SHISA9: variants seen among roughly 807,000 people sequenced by gnomAD.
SHISA9 encodes the protein protein shisa-9.
A neutral mutation model predicts 38.0 loss-of-function variants in SHISA9; 13 were observed. The ratio of observed to expected loss-of-function variants is 0.34; its 90% CI spans 0.22 to 0.54. The LOEUF is 0.54. Among genes scored for constraint, SHISA9 ranks in the 20% least tolerant of loss-of-function variants. The pLI is 0.91. For synonymous variants in SHISA9, 275 were observed against 242.0 expected (o/e 1.14, Z -1.27); for missense variants, 538 against 575.8 (o/e 0.93, Z 0.67).
chr16:13,325,216 C>A, the SHISA9 span, among the ~76,000 whole-genome samples: 1 of 152,158 alleles, frequency 6.6e-6, no homozygotes, highest in Non-Finnish European at 1.5e-5. Flanking sequence ...CAAAATATAT[C>A]AAATAAATAT....
intron 2 of SHISA9, among the ~76,000 whole-genome samples, chr16:13,039,756 A>G (rs951964112): frequency 1.3e-5 from 2 of 152,178 alleles, no homozygotes; most frequent in Non-Finnish European, 2.9e-5. Context: ...AAAGACTGCC[A>G]AGAGCAAAAG....
chr16:13,517,991 G>T, the SHISA9 span, among the ~76,000 whole-genome samples: 1 of 152,232 alleles, frequency 6.6e-6, no homozygotes. Context: ...GCCCCTTATT[G>T]CCGGGTTGCT....
chr16:13,371,909 C>G, the SHISA9 span, among the ~76,000 whole-genome samples: 3 of 152,236 alleles, frequency 2.0e-5, no homozygotes, highest in East Asian at 1.9e-4. Context: ...CTTGACTTCT[C>G]AAACCCACCC....
intron 2 of SHISA9, among the ~76,000 whole-genome samples, chr16:13,157,880 G>T (rs2050561030): frequency 6.6e-6 from 1 of 152,198 alleles, no homozygotes; most frequent in Non-Finnish European, 1.5e-5. Context: ...ATAAAAGGCT[G>T]CTCAAGGCTC....
At chr16:13,504,415 C>T in the SHISA9 span, among the ~76,000 whole-genome samples, 3 of 152,226 alleles carry the variant, frequency 2.0e-5, no homozygotes, top group East Asian at 1.9e-4. Context: ...TTGGAAAACA[C>T]GGGCCAGCAT....
chr16:13,247,499 T>G, the SHISA9 span, among the ~76,000 whole-genome samples: 2 of 152,154 alleles, frequency 1.3e-5, no homozygotes, highest in African/African-American at 4.8e-5. Flanking sequence ...ACCTGGAGTT[T>G]TCTGGTTCCA....
the SHISA9 span, among the ~76,000 whole-genome samples, chr16:13,295,603 G>A: frequency 6.6e-6 from 1 of 152,140 alleles, no homozygotes; most frequent in Non-Finnish European, 1.5e-5. Flanking sequence ...GGCTCGAAAG[G>A]CCAGCTGGGG....
At chr16:13,480,086 C>A in the SHISA9 span, among the ~76,000 whole-genome samples, 1 of 152,156 alleles carries the variant, frequency 6.6e-6, no homozygotes, top group African/African-American at 2.4e-5. Flanking sequence ...AGACTAGACC[C>A]CTAGGCCTAC....
the SHISA9 span, among the ~76,000 whole-genome samples, chr16:13,325,484 C>A: frequency 6.6e-6 from 1 of 152,108 alleles, no homozygotes; most frequent in African/African-American, 2.4e-5. Flanking sequence ...AAGATGGGAT[C>A]CATTTAGTTG....
chr16:13,061,735 T>A (rs899545055), intron 2 of SHISA9, among the ~76,000 whole-genome samples: 6 of 152,154 alleles, frequency 3.9e-5, no homozygotes, highest in African/African-American at 1.4e-4. Flanking sequence ...ATAACGTCAT[T>A]GCAAATTGTG....
the SHISA9 span, among the ~76,000 whole-genome samples, chr16:13,425,188 T>C: frequency 2.0e-4 from 31 of 152,260 alleles, no homozygotes; most frequent in African/African-American, 7.5e-4. Context: ...ACAATAGACA[T>C]TGGTTACTTC....
At chr16:13,018,955 G>A (rs935940266) in intron 2 of SHISA9, among the ~76,000 whole-genome samples, 2 of 152,164 alleles carry the variant, frequency 1.3e-5, no homozygotes, top group Non-Finnish European at 2.9e-5. Context: ...AGCTACCATA[G>A]CAAAGTATCA....
chr16:13,346,907 A>G, the SHISA9 span, among the ~76,000 whole-genome samples: 4 of 152,188 alleles, frequency 2.6e-5, no homozygotes, highest in South Asian at 8.3e-4. Flanking sequence ...CATAAATAGT[A>G]TTGTGCTATA....
intron 2 of SHISA9, among the ~76,000 whole-genome samples, chr16:13,008,674 C>T (rs1476047910): frequency 6.5e-5 from 8 of 123,604 alleles, no homozygotes; most frequent in African/African-American, 2.5e-4. Context: ...TTCCTCCCTC[C>T]CTCCCTCTCT....
intron 2 of SHISA9, among the ~76,000 whole-genome samples, chr16:13,107,028 T>G (rs1472036830): frequency 6.6e-6 from 1 of 151,854 alleles, no homozygotes; most frequent in Non-Finnish European, 1.5e-5. Flanking sequence ...GAAGTTGGTT[T>G]TTGCTACTAA....
At chr16:13,316,683 A>G in the SHISA9 span, among the ~76,000 whole-genome samples, 1 of 152,246 alleles carries the variant, frequency 6.6e-6, no homozygotes, top group African/African-American at 2.4e-5. Context: ...ATTGTAAGTC[A>G]CATTCCAATT....
chr16:13,152,190 C>T (rs1423552908), intron 2 of SHISA9, among the ~76,000 whole-genome samples: 2 of 152,104 alleles, frequency 1.3e-5, no homozygotes, highest in Non-Finnish European at 2.9e-5. Flanking sequence ...AAAAGTCTAC[C>T]ACTCCCTAGA....
chr16:13,101,905 A>G (rs910198618), intron 2 of SHISA9, among the ~76,000 whole-genome samples: 4 of 152,248 alleles, frequency 2.6e-5, no homozygotes, highest in African/African-American at 9.6e-5. Context: ...AGGACTTCAC[A>G]CTAAATTCCA....
the SHISA9 span, among the ~76,000 whole-genome samples, chr16:13,300,828 C>T: frequency 8.9e-6 from 1 of 112,272 alleles, no homozygotes; most frequent in Non-Finnish European, 1.8e-5. Flanking sequence ...TAAAATCTCC[C>T]CCCTCCCCTC....
Sources: gnomAD v4.1 joint callset for allele counts (sites outside exome capture counted in the v4.1 genomes callset) on GRCh38, gnomAD v4.1.1 for gene constraint, MANE v1.5 for transcripts, NCBI Gene and HGNC (gene_info 2026-07-23, HGNC 2026-07-21) for gene names.